The following CNBD1 variants were observed in gnomAD, a reference collection of about 807,000 sequenced individuals.
CNBD1 encodes cyclic nucleotide-binding domain-containing protein 1.
CNBD1 carries 71 observed loss-of-function variants against 54.4 expected under a neutral mutation model. The ratio of observed to expected loss-of-function variants is 1.30; its 90% CI spans 1.08 to 1.59. CNBD1 has a LOEUF of 1.59. Among genes scored for constraint, CNBD1 ranks in the 40% most tolerant of loss-of-function variants. CNBD1 has a pLI of 0.00. For synonymous variants in CNBD1, 182 were observed against 170.7 expected, an observed-to-expected ratio of 1.07 and a Z score of -0.51; for missense variants, 659 against 518.0, an observed-to-expected ratio of 1.27 and a Z score of -2.64.
At chr8:87,025,463 G>A (rs1809621172) in intron 4 of CNBD1, among the ~76,000 whole-genome samples, 1 of 152,206 alleles carries the variant, frequency 6.6e-6, no homozygotes, top group Non-Finnish European at 1.5e-5. Flanking sequence ...AACAAACCCA[G>A]TGAGTGGAAC....
intron 4 of CNBD1, among the ~76,000 whole-genome samples, chr8:87,203,267 A>C (rs1384322106): frequency 4.6e-5 from 7 of 152,216 alleles, no homozygotes; most frequent in Non-Finnish European, 8.8e-5. Flanking sequence ...GTATCCATGC[A>C]TATCTATATT....
chr8:87,276,362 A>G (rs1808480023), intron 6 of CNBD1, among the ~76,000 whole-genome samples: 1 of 151,860 alleles, frequency 6.6e-6, no homozygotes, highest in South Asian at 2.1e-4. Flanking sequence ...TTCCTATTAC[A>G]AGCAATAATT....
chr8:87,074,866 A>G (rs1310098700), intron 4 of CNBD1, among the ~76,000 whole-genome samples: 2 of 152,198 alleles, frequency 1.3e-5, no homozygotes, highest in East Asian at 3.8e-4. Context: ...AGCTGCTTCT[A>G]ATCAGCCATC....
intron 3 of CNBD1, among the ~76,000 whole-genome samples, chr8:86,925,466 T>C (rs1809341757): frequency 6.7e-6 from 1 of 150,322 alleles, no homozygotes. Context: ...GTAAAATATA[T>C]ACGGGCTTAC....
chr8:87,324,281 C>G, intron 8 of CNBD1, among the ~76,000 whole-genome samples: 1 of 126,104 alleles, frequency 7.9e-6, no homozygotes, highest in East Asian at 2.0e-4. Flanking sequence ...GGTTGTGTCT[C>G]TGCCCGGCTT....
intron 10 of CNBD1, among the ~76,000 whole-genome samples, chr8:87,378,614 T>A (rs2130956768): frequency 6.7e-6 from 1 of 149,080 alleles, no homozygotes; most frequent in Non-Finnish European, 1.5e-5. Flanking sequence ...TTCTTTTGGC[T>A]TAGGATTGAC....
chr8:87,142,593 A>T lies in CNBD1; in HGVS notation c.432-63400A>T, dbSNP rs556323791. On this transcript the variant is annotated intron_variant, in intron 4 of 10. Transcript: ENST00000518476. ...AACATAAAAATTACATTAAATTGGT[A>T]CTAAATCTTACATAGTGCCATATTT... is the stretch of plus-strand genomic sequence containing the variant. Among the ~76,000 whole-genome samples the T allele has an allele frequency of 1.2e-4, 19 of 152,312 alleles. No homozygotes were observed. The South Asian group carries it at 3.9e-3, about 32-fold the overall frequency.
At chr8:87,320,166 T>C (rs757361449) in intron 8 of CNBD1, among the ~76,000 whole-genome samples, 4 of 152,062 alleles carry the variant, frequency 2.6e-5, no homozygotes, top group Non-Finnish European at 5.9e-5. Context: ...TTGAAACAAA[T>C]ACCTTTTAAC....
At chr8:87,408,751 T>C (rs996618919) in intron 2 of CNBD1, among the ~76,000 whole-genome samples, 1 of 152,142 alleles carries the variant, frequency 6.6e-6, no homozygotes, top group African/African-American at 2.4e-5. Flanking sequence ...TGTTAGTAAT[T>C]CTCTCAGTAG....
At chr8:87,293,866 G>C (rs1270379524) in intron 8 of CNBD1, among the ~76,000 whole-genome samples, 4 of 152,074 alleles carry the variant, frequency 2.6e-5, no homozygotes, top group African/African-American at 9.7e-5. Context: ...GCCAATATAT[G>C]GTTTTCAGAT....
chr8:87,215,369 G>A (rs1013525383), intron 5 of CNBD1, among the ~76,000 whole-genome samples: 44 of 152,194 alleles, frequency 2.9e-4, no homozygotes, highest in African/African-American at 9.6e-4. Context: ...GGCGGATCAC[G>A]AGGTCAGGAG....
chr8:87,186,340 A>T (rs1813474843), intron 4 of CNBD1, among the ~76,000 whole-genome samples: 1 of 152,130 alleles, frequency 6.6e-6, no homozygotes, highest in South Asian at 2.1e-4. Context: ...ATAAACCAGT[A>T]AACTGGCAGT....
intron 10 of CNBD1, among the ~76,000 whole-genome samples, chr8:87,355,218 A>C (rs1192711953): frequency 6.6e-6 from 1 of 152,202 alleles, no homozygotes; most frequent in African/African-American, 2.4e-5. Flanking sequence ...CTGGTGTTAG[A>C]ATATATTAGC....
chr8:87,426,176 C>T (rs2130997431), intron 2 of CNBD1, among the ~76,000 whole-genome samples: 1 of 152,354 alleles, frequency 6.6e-6, no homozygotes, highest in South Asian at 2.1e-4. Context: ...CCTGCTTCAG[C>T]TGGCGCACGG....
At chr8:87,063,748 AT>A (rs1464394973) in intron 4 of CNBD1, among the ~76,000 whole-genome samples, 1 of 152,022 alleles carries the variant, frequency 6.6e-6, no homozygotes, top group African/African-American at 2.4e-5. Flanking sequence ...AAGTTTATTC[AT>A]CCATTTATTT....
chr8:87,139,228 A>T (rs886106263), intron 4 of CNBD1, among the ~76,000 whole-genome samples: 1 of 152,226 alleles, frequency 6.6e-6, no homozygotes, highest in Non-Finnish European at 1.5e-5. Context: ...CAGAAATTCA[A>T]AGTAAAACAG....
intron 10 of CNBD1, among the ~76,000 whole-genome samples, chr8:87,371,785 C>A (rs947547697): frequency 8.4e-4 from 127 of 152,082 alleles, no homozygotes; most frequent in Admixed American, 2.5e-3. Context: ...CAAAATTCAA[C>A]AACCCTTCAT....
At chr8:87,084,473 GT>G (rs964093081) in intron 4 of CNBD1, among the ~76,000 whole-genome samples, 7 of 151,216 alleles carry the variant, frequency 4.6e-5, no homozygotes, top group African/African-American at 9.7e-5. Context: ...GGATGAACAG[GT>G]TTTTTTTTCT....
intron 1 of CNBD1, among the ~76,000 whole-genome samples, chr8:86,880,818 T>G (rs1185436753): frequency 6.6e-6 from 1 of 152,114 alleles, no homozygotes; most frequent in Non-Finnish European, 1.5e-5. Flanking sequence ...CATCAAAAGC[T>G]TATCCACCAT....
Sources: allele counts gnomAD v4.1 joint callset (sites outside exome capture counted in the v4.1 genomes callset), GRCh38; gene constraint gnomAD v4.1.1; transcripts MANE v1.5; gene names NCBI Gene and HGNC (gene_info 2026-07-23, HGNC 2026-07-21).